GLCE: variants seen among roughly 807,000 people sequenced by gnomAD.
GLCE encodes glucuronic acid epimerase.
In GLCE, 19 loss-of-function variants were observed where a neutral mutation model predicts 47.9. The observed-to-expected ratio is 0.40, with a 90% CI of 0.28 to 0.58. GLCE has a LOEUF of 0.58. Ranked by LOEUF, GLCE falls within the 20% of genes least tolerant of loss-of-function variation. The pLI is 0.48. For missense variants in GLCE, 556 were observed against 743.3 expected (o/e 0.75, Z 2.93); for synonymous variants, 245 against 263.4 (o/e 0.93, Z 0.68).
intron 2 of GLCE, among the ~76,000 whole-genome samples, chr15:69,230,774 C>G (rs2052511479): frequency 6.6e-6 from 1 of 152,234 alleles, no homozygotes; most frequent in African/African-American, 2.4e-5. Context: ...CAAATTACCA[C>G]AACCTTAGTT....
intron 1 of GLCE, among the ~76,000 whole-genome samples, chr15:69,195,568 T>A (rs1265502575): frequency 6.6e-6 from 1 of 152,152 alleles, no homozygotes; most frequent in African/African-American, 2.4e-5. Flanking sequence ...CTACTTTAGA[T>A]TATCCATGGA....
chr15:69,162,433 C>T, intron 1 of GLCE, among the ~76,000 whole-genome samples: 1 of 152,022 alleles, frequency 6.6e-6, no homozygotes, highest in Non-Finnish European at 1.5e-5. Flanking sequence ...GCAGTGAAGT[C>T]CGTACTCAGA....
At chr15:69,208,785 C>T (rs2052186111) in intron 1 of GLCE, among the ~76,000 whole-genome samples, 1 of 152,016 alleles carries the variant, frequency 6.6e-6, no homozygotes. Flanking sequence ...TCAGATTTTC[C>T]TGATGCATAC....
intron 1 of GLCE, among the ~76,000 whole-genome samples, chr15:69,176,312 C>T (rs980475178): frequency 6.7e-6 from 1 of 149,100 alleles, no homozygotes; most frequent in Admixed American, 6.8e-5. Context: ...CAACCTCCAC[C>T]TCCTGGGTTC....
chr15:69,247,235 C>T lies in GLCE; in HGVS notation c.-13-8559C>T, dbSNP rs181954210. ...TAGTGTGGCTGCTTTCATCAATGAT[C>T]TTAGCTAGAGCTTCTGAATAACTTG... On this transcript the variant is annotated intron_variant, in intron 2 of 4. Transcript: ENST00000261858. Among the ~76,000 whole-genome samples the T allele has an allele frequency of 2.4e-3, 367 of 152,348 alleles. 1 individual carries two copies. Among genetic ancestry groups the T allele is most frequent in the Non-Finnish European group, 4.3e-3 (291 of 68,028 alleles).
intron 2 of GLCE, among the ~76,000 whole-genome samples, chr15:69,219,165 T>A (rs2052347193): frequency 6.6e-6 from 1 of 152,066 alleles, no homozygotes; most frequent in African/African-American, 2.4e-5. Flanking sequence ...ATATTAGCAG[T>A]CTTATTGTAT....
intron 2 of GLCE, among the ~76,000 whole-genome samples, chr15:69,222,486 G>A (rs917798118): frequency 6.6e-6 from 1 of 152,208 alleles, no homozygotes; most frequent in African/African-American, 2.4e-5. Flanking sequence ...AGAAAGCCCT[G>A]TTCTCTCCAG....
At chr15:69,241,378 C>T (rs1378496558) in intron 2 of GLCE, among the ~76,000 whole-genome samples, 1 of 152,194 alleles carries the variant, frequency 6.6e-6, no homozygotes, top group African/African-American at 2.4e-5. Flanking sequence ...TCAAAACATA[C>T]TGTAGCTGAG....
intron 2 of GLCE, among the ~76,000 whole-genome samples, chr15:69,237,424 G>A (rs1018029719): frequency 4.6e-5 from 7 of 151,972 alleles, no homozygotes; most frequent in African/African-American, 9.7e-5. Context: ...GTTAAACCCC[G>A]TCTCTACTAA....
In GLCE at chr15:69,261,336, T is replaced by C. The variant is rs1373768677; in HGVS notation, c.829+7T>C. 1.9e-6 allele frequency: 3 copies of C among 1,608,862 alleles called. No individual in the cohort carries two copies. The highest frequency in any genetic ancestry group is 2.6e-6 in the Non-Finnish European group (3 of 1,176,428). ...AAACAGTTTATTGCACCAGGTAAGT[T>C]ATGTATTATATGTGCCTGCTAATTT... On this transcript the variant is annotated splice_region_variant and intron_variant, in intron 4 of 4. Coordinates refer to ENST00000261858, the MANE Select transcript of GLCE (RefSeq NM_015554.3).
intron 1 of GLCE, among the ~76,000 whole-genome samples, chr15:69,186,671 T>C (rs1265214625): frequency 6.6e-6 from 1 of 152,242 alleles, no homozygotes; most frequent in Admixed American, 6.5e-5. Context: ...GCTTAATGAA[T>C]AGTTAGCTAC....
intron 3 of GLCE, 72 bp from the exon 4 acceptor site, chr15:69,261,015 G>T: frequency 7.2e-7 from 1 of 1,390,322 alleles, no homozygotes; most frequent in Non-Finnish European, 9.9e-7. Context: ...AAGTAAATCA[G>T]TGAGGAATGG....
intron 1 of GLCE, among the ~76,000 whole-genome samples, chr15:69,180,908 C>T (rs998330845): frequency 1.3e-5 from 2 of 152,140 alleles, no homozygotes; most frequent in African/African-American, 4.8e-5. Flanking sequence ...TAAAGGAGAA[C>T]AAGGGCAGAA....
intron 4 of GLCE, among the ~76,000 whole-genome samples, chr15:69,266,435 TC>T (rs1398758555): frequency 2.6e-5 from 4 of 152,144 alleles, no homozygotes; most frequent in African/African-American, 7.2e-5. Context: ...CAAGCAGTCC[TC>T]CCACGTTGGC....
intron 4 of GLCE, among the ~76,000 whole-genome samples, chr15:69,262,721 C>T (rs943165281): frequency 6.6e-6 from 1 of 152,072 alleles, no homozygotes; most frequent in Non-Finnish European, 1.5e-5. Flanking sequence ...AAAACTACTT[C>T]CTAAGATGGT....
intron 2 of GLCE, among the ~76,000 whole-genome samples, chr15:69,212,782 C>T (rs1031869163): frequency 2.6e-5 from 4 of 151,926 alleles, no homozygotes; most frequent in Non-Finnish European, 5.9e-5. Context: ...ACGATGTGGA[C>T]ATGTGTATTA....
intron 1 of GLCE, among the ~76,000 whole-genome samples, chr15:69,171,009 C>A (rs1309462630): frequency 1.3e-5 from 2 of 152,120 alleles, no homozygotes; most frequent in African/African-American, 2.4e-5. Context: ...GATTCATTTG[C>A]TTGACAGTTA....
intron 2 of GLCE, among the ~76,000 whole-genome samples, chr15:69,225,988 G>A (rs931226273): frequency 2.0e-5 from 3 of 151,290 alleles, no homozygotes; most frequent in African/African-American, 7.3e-5. Context: ...TTGGACTTAA[G>A]GGCCTAAATT....
At chr15:69,208,398 C>T (rs181443916) in intron 1 of GLCE, among the ~76,000 whole-genome samples, 165 of 152,060 alleles carry the variant, frequency 1.1e-3, no homozygotes, top group Non-Finnish European at 1.9e-3. Flanking sequence ...AAAGACAATC[C>T]TTTCCTCACT....
Sources: gnomAD v4.1 joint callset for allele counts (sites outside exome capture counted in the v4.1 genomes callset) on GRCh38, gnomAD v4.1.1 for gene constraint, MANE v1.5 for transcripts, NCBI Gene and HGNC (gene_info 2026-07-23, HGNC 2026-07-21) for gene names.